The following MEGF10 variants were observed in gnomAD, a reference collection of about 807,000 sequenced individuals.
The protein encoded by MEGF10 is multiple EGF like domains 10.
In MEGF10, 86 loss-of-function variants were observed where a neutral mutation model predicts 147.5. That is an observed-to-expected ratio of 0.58 (90% CI 0.49 to 0.70). The LOEUF (loss-of-function observed/expected upper bound fraction) is 0.70. Among genes scored for constraint, MEGF10 ranks in the 30% least tolerant of loss-of-function variants. The probability of loss-of-function intolerance (pLI) is 0.00; values close to 1 mark genes in which losing one functional copy is unlikely to be tolerated. For synonymous variants in MEGF10, 478 were observed against 525.5 expected, an observed-to-expected ratio of 0.91 and a Z score of 1.24; for missense variants, 1,329 against 1,487.3, an observed-to-expected ratio of 0.89 and a Z score of 1.75.
At chr5:127,435,080 TCA>T (rs1296833232) in intron 15 of MEGF10, among the ~76,000 whole-genome samples, 1 of 152,156 alleles carries the variant, frequency 6.6e-6, no homozygotes, top group African/African-American at 2.4e-5. Flanking sequence ...CCATAAAAAA[TCA>T]ATATGCGGAA....
intron 1 of MEGF10, among the ~76,000 whole-genome samples, chr5:127,311,785 G>A (rs906684565): frequency 3.3e-5 from 5 of 152,318 alleles, no homozygotes; most frequent in Non-Finnish European, 7.4e-5. Flanking sequence ...TAGTTTTACT[G>A]ATGTCAAGGA....
At chr5:127,401,914 A>G (rs1764149111) in intron 7 of MEGF10, among the ~76,000 whole-genome samples, 1 of 152,230 alleles carries the variant, frequency 6.6e-6, no homozygotes, top group South Asian at 2.1e-4. Flanking sequence ...ATCTTGGCTC[A>G]GCAATGCTTG....
chr5:127,445,980 G>C (rs1027454111), intron 20 of MEGF10, among the ~76,000 whole-genome samples: 1 of 152,144 alleles, frequency 6.6e-6, no homozygotes, highest in Non-Finnish European at 1.5e-5. Context: ...CCAGCCTCAA[G>C]CTTTTGTCAT....
intron 4 of MEGF10, among the ~76,000 whole-genome samples, chr5:127,364,955 A>T (rs1762603140): frequency 6.6e-6 from 1 of 152,184 alleles, no homozygotes. Flanking sequence ...ATATTGGGGA[A>T]ATTACCCATT....
chr5:127,421,844 A>C (rs1580850183), intron 12 of MEGF10, among the ~76,000 whole-genome samples: 1 of 150,382 alleles, frequency 6.6e-6, no homozygotes, highest in East Asian at 1.9e-4. Context: ...TTATAATTTA[A>C]AATTTTTTTA....
chr5:127,379,678 C>CA (rs1274864962), intron 5 of MEGF10, among the ~76,000 whole-genome samples: 1 of 146,744 alleles, frequency 6.8e-6, no homozygotes, highest in African/African-American at 2.5e-5. Context: ...CAGCCCACTG[C>CA]AACCCGTGCC....
At chr5:127,243,503 T>G in the MEGF10 span, among the ~76,000 whole-genome samples, 1 of 152,304 alleles carries the variant, frequency 6.6e-6, no homozygotes. Flanking sequence ...CTTAAAAAAT[T>G]TATTTTTCTT....
intron 3 of MEGF10, among the ~76,000 whole-genome samples, chr5:127,340,040 G>T (rs1259818208): frequency 6.6e-6 from 1 of 152,160 alleles, no homozygotes; most frequent in Non-Finnish European, 1.5e-5. Flanking sequence ...GATTTGTATT[G>T]TTTTGCTTAC....
the MEGF10 span, among the ~76,000 whole-genome samples, chr5:127,250,522 A>G: frequency 6.6e-6 from 1 of 152,056 alleles, no homozygotes; most frequent in Non-Finnish European, 1.5e-5. Context: ...CATTGAACTA[A>G]TAAAGATTAG....
intron 5 of MEGF10, among the ~76,000 whole-genome samples, chr5:127,371,474 C>T (rs1376673928): frequency 6.6e-6 from 1 of 152,082 alleles, no homozygotes; most frequent in Non-Finnish European, 1.5e-5. Context: ...TGTGCCTAGA[C>T]ATCTTGAAGA....
At chr5:127,236,038 T>C in the MEGF10 span, among the ~76,000 whole-genome samples, 12 of 152,094 alleles carry the variant, frequency 7.9e-5, no homozygotes, top group South Asian at 2.5e-3. Flanking sequence ...AGGGGTGCGA[T>C]CTCGGCTCAC....
chr5:127,306,341 C>A (rs908438574), intron 1 of MEGF10, among the ~76,000 whole-genome samples: 1 of 152,088 alleles, frequency 6.6e-6, no homozygotes, highest in Non-Finnish European at 1.5e-5. Flanking sequence ...ATTTTCAGAA[C>A]AAAGTGTTAG....
At position 127,355,011 on chromosome 5, in the gene MEGF10, A is replaced by T. The variant is rs140776948; in HGVS notation, c.319+14381A>T. 5.1e-3 allele frequency among the ~76,000 whole-genome samples: 773 copies of T among 152,274 alleles called. 15 individuals are homozygous for T. The Middle Eastern group carries it at 0.11, about 21-fold the overall frequency. On this transcript the variant is annotated intron_variant, in intron 4 of 24. Coordinates refer to ENST00000503335, the MANE Select transcript of MEGF10 (RefSeq NM_001256545.2). ...TATGTGAGGACACATTTAATTATTT[A>T]TCCTGGCTTTGTATCATTTTGGTCT... is the stretch of plus-strand genomic sequence containing the variant.
chr5:127,327,037 T>G (rs1161424830), intron 1 of MEGF10, among the ~76,000 whole-genome samples: 57 of 152,188 alleles, frequency 3.7e-4, no homozygotes, highest in Admixed American at 3.7e-3. Flanking sequence ...GACTCATCCA[T>G]TGTAAGGATT....
At chr5:127,350,113 C>T (rs1762035674) in intron 4 of MEGF10, among the ~76,000 whole-genome samples, 1 of 152,152 alleles carries the variant, frequency 6.6e-6, no homozygotes. Context: ...ATCACAACCT[C>T]TAAGGTCATC....
intron 8 of MEGF10, among the ~76,000 whole-genome samples, chr5:127,408,757 T>C (rs770933987): frequency 6.6e-6 from 1 of 152,184 alleles, no homozygotes; most frequent in Non-Finnish European, 1.5e-5. Flanking sequence ...ACATTAAATA[T>C]ATGCTAGAGC....
At chr5:127,368,643 C>T (rs1178885449) in intron 4 of MEGF10, among the ~76,000 whole-genome samples, 3 of 152,170 alleles carry the variant, frequency 2.0e-5, no homozygotes, top group Non-Finnish European at 2.9e-5. Flanking sequence ...GCTTTCTCTT[C>T]ACCTAAAATG....
the MEGF10 span, among the ~76,000 whole-genome samples, chr5:127,264,827 T>A: frequency 6.6e-6 from 1 of 152,200 alleles, no homozygotes; most frequent in Admixed American, 6.5e-5. Context: ...TTTTTTTCAT[T>A]TCTGGGATAC....
At position 127,336,071 on chromosome 5, in the gene MEGF10, G is replaced by A. The variant is rs979184002; in HGVS notation, c.117-3049G>A. ...ATTATCATTGGTCAGAAACTGAAGCGTCCACTTAAGTTTATACAGTAATTT... is the reference window on the plus strand; with the variant it reads ...ATTATCATTGGTCAGAAACTGAAGCATCCACTTAAGTTTATACAGTAATTT... On this transcript the variant is annotated intron_variant, in intron 2 of 24. Transcript: ENST00000503335. Among the ~76,000 whole-genome samples, 4 of 135,192 alleles carry A rather than the reference G, an allele frequency of 3.0e-5. No homozygotes were observed. In the South Asian group the frequency reaches 8.1e-4, roughly 27 times the overall value. 88.7% of individuals were successfully genotyped at this position (135,192 alleles called of 152,430 possible).
Sources: allele counts gnomAD v4.1 joint callset (sites outside exome capture counted in the v4.1 genomes callset), GRCh38; gene constraint gnomAD v4.1.1; transcripts MANE v1.5; gene names NCBI Gene and HGNC (gene_info 2026-07-23, HGNC 2026-07-21).